The following CBLB variants were observed in gnomAD, a reference collection of about 807,000 sequenced individuals.
CBLB encodes the protein E3 ubiquitin-protein ligase CBL-B.
A neutral mutation model predicts 104.9 loss-of-function variants in CBLB; 31 were observed. The ratio of observed to expected loss-of-function variants is 0.30; its 90% CI spans 0.22 to 0.40. The LOEUF is 0.40. CBLB is among the 10% of genes least tolerant of loss of function. The probability of loss-of-function intolerance (pLI) is 1.00; values close to 1 mark genes in which losing one functional copy is unlikely to be tolerated. For missense variants in CBLB, 1,062 were observed against 1,214.6 expected, an observed-to-expected ratio of 0.87 and a Z score of 1.87; for synonymous variants, 440 against 422.6, an observed-to-expected ratio of 1.04 and a Z score of -0.51.
At chr3:105,792,835 T>C (rs769630504) in intron 3 of CBLB, among the ~76,000 whole-genome samples, 1 of 152,166 alleles carries the variant, frequency 6.6e-6, no homozygotes, top group Non-Finnish European at 1.5e-5. Flanking sequence ...CTGAGATTCC[T>C]AAATGCAAAC....
At chr3:105,817,116 A>G (rs1560378541) in intron 3 of CBLB, among the ~76,000 whole-genome samples, 2 of 152,224 alleles carry the variant, frequency 1.3e-5, no homozygotes, top group African/African-American at 2.4e-5. Flanking sequence ...GTAGTGAGAA[A>G]TAAGACGGCA....
chr3:105,685,052 A>G lies in CBLB; in HGVS notation c.2201+268T>C, dbSNP rs190916150. 1.5e-3 allele frequency among the ~76,000 whole-genome samples: 224 copies of G among 152,332 alleles called. 5 individuals are homozygous for G. The highest frequency in any genetic ancestry group is 2.1e-3 in the South Asian group (10 of 4,830). On this transcript the variant is annotated intron_variant, in intron 14 of 18. Transcript: ENST00000394030. ...GAAGAAAAATTCTAAGGAAGGTCAG[A>G]ATAATACCTTAGTTTCTGAGCACTA...
At chr3:105,867,328 T>TA in intron 2 of CBLB, 82 bp downstream of exon 2, 1 of 1,195,262 alleles carries the variant, frequency 8.4e-7, no homozygotes, top group Non-Finnish European at 1.3e-6. Context: ...TGGTTGGTAT[T>TA]AATTAACAGT....
At chr3:105,793,128 T>A (rs2081881390) in intron 3 of CBLB, among the ~76,000 whole-genome samples, 1 of 151,920 alleles carries the variant, frequency 6.6e-6, no homozygotes, top group Non-Finnish European at 1.5e-5. Context: ...GAACCTCTAA[T>A]CAAAAGAGAA....
At chr3:105,819,458 G>C (rs1425451647) in intron 3 of CBLB, among the ~76,000 whole-genome samples, 1 of 151,252 alleles carries the variant, frequency 6.6e-6, no homozygotes, top group Non-Finnish European at 1.5e-5. Flanking sequence ...CTGAACTCCA[G>C]CCTGGGCAAC....
At chr3:105,662,539 G>A (rs2063889804) in intron 18 of CBLB, among the ~76,000 whole-genome samples, 1 of 152,146 alleles carries the variant, frequency 6.6e-6, no homozygotes, top group Non-Finnish European at 1.5e-5. Context: ...GTACAAGAAT[G>A]TGAGCCACAG....
At chr3:105,797,365 A>G (rs2082359171) in intron 3 of CBLB, among the ~76,000 whole-genome samples, 1 of 152,184 alleles carries the variant, frequency 6.6e-6, no homozygotes, top group East Asian at 1.9e-4. Flanking sequence ...CCTCTTGTTT[A>G]GCTCTCACTT....
At chr3:105,729,920 G>A (rs539852891) in intron 9 of CBLB, among the ~76,000 whole-genome samples, 4 of 151,972 alleles carry the variant, frequency 2.6e-5, no homozygotes, top group African/African-American at 9.7e-5. Flanking sequence ...AAACAGATAC[G>A]CTAGTTGGCA....
chr3:105,771,356 C>T (rs1468797059), intron 4 of CBLB, among the ~76,000 whole-genome samples: 1 of 152,044 alleles, frequency 6.6e-6, no homozygotes, highest in African/African-American at 2.4e-5. Flanking sequence ...AATCCCTCAA[C>T]AAAATATGTA....
chr3:105,676,146 T>C (rs1031709791), intron 17 of CBLB, among the ~76,000 whole-genome samples: 3 of 152,052 alleles, frequency 2.0e-5, no homozygotes, highest in Non-Finnish European at 2.9e-5. Context: ...AAGTTAAGGA[T>C]AAGTGTTGTT....
Position 105,678,552 on chromosome 3 carries a change from G to A in CBLB, c.2448C>T (p.Ala816=), listed in dbSNP as rs376484894. ...IPPLGEDAFD[A]LPPSLPPPPP... Reference sequence around the variant, plus strand: ...GGGGAGGTGGGAGAGATGGAGGGAGGGCATCAAAAGCATCTTCACCTGCAT... The same window carrying A: ...GGGGAGGTGGGAGAGATGGAGGGAGAGCATCAAAAGCATCTTCACCTGCAT... Residue 816 remains alanine (A), a synonymous_variant, in exon 17 of 19, where the codon GCC becomes GCT. Transcript: ENST00000394030. The A allele has an allele frequency of 1.4e-5, 22 of 1,613,106 alleles. No homozygotes were observed. Among genetic ancestry groups the A allele is most frequent in the Non-Finnish European group, 1.8e-5 (21 of 1,179,518 alleles).
At chr3:105,661,830 C>T (rs2063812524) in intron 18 of CBLB, among the ~76,000 whole-genome samples, 1 of 152,090 alleles carries the variant, frequency 6.6e-6, no homozygotes, top group Non-Finnish European at 1.5e-5. Flanking sequence ...TTATCCCTTT[C>T]AACCAGGTAG....
At position 105,853,508 on chromosome 3, in the gene CBLB, T is replaced by C. The variant is rs2091218814; in HGVS notation, c.325A>G (p.Ile109Val). ...AQLSENEYFK[I>V]YIDSLMKKSK... Reference sequence around the variant, plus strand: ...TTTTTCATAAGGCTATCAATGTAGATTTTAAAGTACTCATTCTCACTGAGT... The same window carrying C: ...TTTTTCATAAGGCTATCAATGTAGACTTTAAAGTACTCATTCTCACTGAGT... The change falls in exon 3 of 19, where the codon ATC becomes GTC. Residue 109 changes from isoleucine (I) to valine (V), a missense_variant. Physicochemically the swap from Ile to Val is conservative, Grantham distance 29. Around this residue, in one of 2 missense-constraint regions of CBLB, gnomAD observed 457 missense variants for 632.0 expected, o/e 0.72. Transcript: ENST00000394030. The C allele has an allele frequency of 2.5e-6, 4 of 1,613,508 alleles. No homozygotes were observed. The highest frequency in any genetic ancestry group is 2.2e-5 in the South Asian group (2 of 91,070).
intron 18 of CBLB, among the ~76,000 whole-genome samples, chr3:105,660,561 A>G (rs1459417567): frequency 3.3e-5 from 5 of 152,176 alleles, no homozygotes; most frequent in Non-Finnish European, 7.4e-5. Flanking sequence ...TATCTAGACA[A>G]CAATATTTAA....
At chr3:105,853,909 A>C (rs1345100862) in intron 2 of CBLB, among the ~76,000 whole-genome samples, 6 of 152,152 alleles carry the variant, frequency 3.9e-5, no homozygotes, top group Admixed American at 6.5e-5. Context: ...GTTTAATTCT[A>C]AGATACCTCA....
intron 4 of CBLB, among the ~76,000 whole-genome samples, chr3:105,757,547 T>C (rs1437842232): frequency 2.0e-5 from 3 of 152,212 alleles, no homozygotes; most frequent in African/African-American, 4.8e-5. Flanking sequence ...ACTGTAAACA[T>C]GGATTATGTT....
In CBLB at chr3:105,702,165, T is replaced by C. The variant is rs1032682781; in HGVS notation, c.1888A>G (p.Ser630Gly). Residue 630 changes from serine (S) to glycine (G), a missense_variant, in exon 12 of 19, where the codon AGT (serine) becomes GGT (glycine). Physicochemically the swap from Ser to Gly is moderately conservative, Grantham distance 56 (BLOSUM62 0). Coordinates refer to ENST00000394030, the MANE Select transcript of CBLB (RefSeq NM_170662.5). ...AGCACTGGGTCAGAGCCCACTCTAC[T>C]GTGCCTTCCATTGACATTTGAACTC... ...TASSNVNGRHSRVGSDPVLMR... is the reference protein window; with the variant it reads ...TASSNVNGRHGRVGSDPVLMR... 13 of 1,614,078 alleles carry C rather than the reference T, an allele frequency of 8.1e-6. No homozygotes were observed. Among genetic ancestry groups the C allele is most frequent in the South Asian group, 2.2e-5 (2 of 91,092 alleles).
At chr3:105,666,042 T>C (rs1449047156) in intron 18 of CBLB, among the ~76,000 whole-genome samples, 3 of 151,660 alleles carry the variant, frequency 2.0e-5, no homozygotes, top group African/African-American at 4.8e-5. Flanking sequence ...AAAAAAATTA[T>C]ATATCTGTCT....
intron 12 of CBLB, among the ~76,000 whole-genome samples, chr3:105,698,403 G>A (rs1369868301): frequency 6.6e-6 from 1 of 151,974 alleles, no homozygotes; most frequent in African/African-American, 2.4e-5. Context: ...GACGAGTAAT[G>A]AAGGGAAGCG....
Sources: gnomAD v4.1 joint callset for allele counts (sites outside exome capture counted in the v4.1 genomes callset) on GRCh38, gnomAD v4.1.1 for gene constraint, gnomAD v4.1.1 regional missense constraint, MANE v1.5 for transcripts, NCBI Gene and HGNC (gene_info 2026-07-23, HGNC 2026-07-21) for gene names.